Variants in KLF12 observed in about 807,000 individuals in gnomAD.
The protein encoded by KLF12 is Krueppel-like factor 12.
In KLF12, 9 loss-of-function variants were observed where a neutral mutation model predicts 37.8. The ratio of observed to expected loss-of-function variants is 0.24; its 90% CI spans 0.14 to 0.42. KLF12 has a LOEUF of 0.42. KLF12 is among the 10% of genes least tolerant of loss of function. The probability of loss-of-function intolerance (pLI) is 1.00; values close to 1 mark genes in which losing one functional copy is unlikely to be tolerated. For missense variants in KLF12, 411 were observed against 516.0 expected (o/e 0.80, Z 1.97); for synonymous variants, 208 against 202.1 (o/e 1.03, Z -0.25).
intron 2 of KLF12, among the ~76,000 whole-genome samples, chr13:73,954,990 A>G (rs1000597506): frequency 1.3e-5 from 2 of 152,222 alleles, no homozygotes; most frequent in African/African-American, 4.8e-5. Flanking sequence ...CCTGATGATC[A>G]GACTTCCTGG....
At chr13:73,983,412 TTCGTGA>T (rs1891739904) in intron 2 of KLF12, among the ~76,000 whole-genome samples, 1 of 152,172 alleles carries the variant, frequency 6.6e-6, no homozygotes, top group Middle Eastern at 3.2e-3. Context: ...TGCCTTCTGG[TTCGTGA>T]ACCTCTGTCT....
chr13:74,190,476 C>T, the KLF12 span, among the ~76,000 whole-genome samples: 14 of 152,226 alleles, frequency 9.2e-5, no homozygotes, highest in East Asian at 7.7e-4. Flanking sequence ...TGGTGATGAA[C>T]GAAGGCTTTG....
intron 1 of KLF12, among the ~76,000 whole-genome samples, chr13:74,077,955 G>C (rs1406088559): frequency 2.0e-5 from 3 of 152,168 alleles, no homozygotes; most frequent in Non-Finnish European, 2.9e-5. Flanking sequence ...TCACTCTGGA[G>C]AATAAATGCA....
At chr13:74,286,153 C>T in the KLF12 span, among the ~76,000 whole-genome samples, 2 of 152,200 alleles carry the variant, frequency 1.3e-5, no homozygotes, top group Non-Finnish European at 2.9e-5. Context: ...CATTTTACCT[C>T]TTCTTTTTTT....
the KLF12 span, among the ~76,000 whole-genome samples, chr13:74,254,710 A>G: frequency 0.033 from 5,087 of 152,038 alleles, 274 homozygotes; most frequent in African/African-American, 0.11. Flanking sequence ...CAGGGAAGTG[A>G]CTCCTTAAAC....
chr13:73,797,827 T>C (rs1026218139), intron 5 of KLF12, among the ~76,000 whole-genome samples: 65 of 151,364 alleles, frequency 4.3e-4, no homozygotes, highest in Non-Finnish European at 7.5e-4. Flanking sequence ...CTTAGAGTTA[T>C]TGTTATCGTT....
At chr13:74,076,338 T>G (rs1326556275) in intron 1 of KLF12, among the ~76,000 whole-genome samples, 1 of 152,132 alleles carries the variant, frequency 6.6e-6, no homozygotes, top group African/African-American at 2.4e-5. Context: ...GTAGAGAAAT[T>G]TTTTTCCTCA....
intron 5 of KLF12, among the ~76,000 whole-genome samples, chr13:73,785,461 T>G (rs1566366548): frequency 6.6e-6 from 1 of 152,172 alleles, no homozygotes; most frequent in Non-Finnish European, 1.5e-5. Flanking sequence ...GCAGGTAGCC[T>G]TCTACCCAAA....
intron 3 of KLF12, among the ~76,000 whole-genome samples, chr13:73,938,672 T>C (rs745614): frequency 0.35 from 52,472 of 152,060 alleles, 10,263 homozygotes; most frequent in East Asian, 0.6. Flanking sequence ...CTTGGTGATA[T>C]AGGAATAGCT....
intron 3 of KLF12, among the ~76,000 whole-genome samples, chr13:73,864,567 G>A (rs377212432): frequency 5.9e-5 from 9 of 152,004 alleles, no homozygotes; most frequent in African/African-American, 1.4e-4. Flanking sequence ...GAAGGAAAGC[G>A]TTTATATCAT....
chr13:73,764,905 C>T (rs754248924), intron 6 of KLF12, 33 bp downstream of exon 6: 2 of 1,252,088 alleles, frequency 1.6e-6, no homozygotes, highest in East Asian at 4.6e-5. Context: ...TCCCGTAAGA[C>T]CTACAAATAC....
chr13:73,859,345 C>T (rs1255708346), intron 3 of KLF12, among the ~76,000 whole-genome samples: 1 of 152,130 alleles, frequency 6.6e-6, no homozygotes, highest in Non-Finnish European at 1.5e-5. Context: ...GAAGACATTG[C>T]CCATGGCCCC....
At chr13:74,111,248 G>C (rs1233851086) in intron 1 of KLF12, among the ~76,000 whole-genome samples, 1 of 151,754 alleles carries the variant, frequency 6.6e-6, no homozygotes, top group Non-Finnish European at 1.5e-5. Context: ...ACTTGAACTT[G>C]ATGTACTCAG....
chr13:74,155,236 G>A, the KLF12 span, among the ~76,000 whole-genome samples: 7 of 152,006 alleles, frequency 4.6e-5, no homozygotes, highest in East Asian at 1.9e-4. Context: ...CACATGCAGC[G>A]GGTTTAAAAT....
intron 1 of KLF12, among the ~76,000 whole-genome samples, chr13:74,085,332 G>C (rs771416261): frequency 6.6e-6 from 1 of 152,234 alleles, no homozygotes; most frequent in South Asian, 2.1e-4. Context: ...CAGTTCGGAG[G>C]TTCTTTCCCA....
intron 3 of KLF12, among the ~76,000 whole-genome samples, chr13:73,872,703 T>C (rs193244660): frequency 2.6e-5 from 4 of 152,324 alleles, no homozygotes; most frequent in African/African-American, 9.6e-5. Flanking sequence ...TTCTAACTGA[T>C]CGGTCCTTGC....
chr13:73,825,977 A>T (rs575120596), intron 4 of KLF12, among the ~76,000 whole-genome samples: 6 of 144,470 alleles, frequency 4.2e-5, no homozygotes, highest in Admixed American at 4.1e-4. Flanking sequence ...ATCATTCAAC[A>T]TTTTTTTTTT....
At chr13:74,288,946 A>G in the KLF12 span, among the ~76,000 whole-genome samples, 8 of 152,246 alleles carry the variant, frequency 5.3e-5, no homozygotes, top group Non-Finnish European at 7.4e-5. Context: ...TTATTTATTC[A>G]CTTTAAGGAA....
intron 1 of KLF12, among the ~76,000 whole-genome samples, chr13:74,080,076 AG>A (rs34415339): frequency 0.018 from 2,669 of 152,308 alleles, 41 homozygotes; most frequent in Middle Eastern, 0.037. Context: ...TACAACATGG[AG>A]GAACCTTGAA....
Sources: gnomAD v4.1 joint callset for allele counts (sites outside exome capture counted in the v4.1 genomes callset) on GRCh38, gnomAD v4.1.1 for gene constraint, MANE v1.5 for transcripts, NCBI Gene and HGNC (gene_info 2026-07-23, HGNC 2026-07-21) for gene names.